Variants in TEKTL1 observed in about 807,000 individuals in gnomAD.
TEKTL1 encodes the protein tektin like 1, also known as tektin-like protein 1.
chr19:15,020,720 C>A, the TEKTL1 span: 1 of 1,418,224 alleles, frequency 7.1e-7, no homozygotes, highest in Non-Finnish European at 9.7e-7. Flanking sequence ...ACTGTCAGTG[C>A]AGCCCGTCGC....
chr19:15,021,332 G>C, the TEKTL1 span: 1 of 1,610,836 alleles, frequency 6.2e-7, no homozygotes, highest in South Asian at 1.1e-5. Flanking sequence ...GCACCCCCAC[G>C]CGCATCCTGG....
At chr19:15,020,737 A>C in the TEKTL1 span, 3 of 1,254,188 alleles carry the variant, frequency 2.4e-6, no homozygotes, top group East Asian at 7.6e-5. Flanking sequence ...TCGCCCACTT[A>C]GCTGTCCCTT....
chr19:15,013,441 C>T, the TEKTL1 span, among the ~76,000 whole-genome samples: 10 of 152,086 alleles, frequency 6.6e-5, no homozygotes, highest in East Asian at 7.7e-4. Flanking sequence ...AAAAGAGAGA[C>T]GCCCCCAACC....
chr19:15,020,473 T>C, the TEKTL1 span: 1 of 1,612,970 alleles, frequency 6.2e-7, no homozygotes, highest in Non-Finnish European at 8.5e-7. Flanking sequence ...CCTGGCCTCC[T>C]GCCGAGACAC....
At chr19:15,021,783 G>A in the TEKTL1 span, 7 of 1,612,642 alleles carry the variant, frequency 4.3e-6, no homozygotes, top group African/African-American at 2.7e-5. Flanking sequence ...GTTTCAATGC[G>A]CTTGCACACC....
At chr19:15,011,765 G>C in the TEKTL1 span, among the ~76,000 whole-genome samples, 1 of 149,620 alleles carries the variant, frequency 6.7e-6, no homozygotes, top group Non-Finnish European at 1.5e-5. Context: ...TTTCCATAGA[G>C]AGAACACCCA....
chr19:15,014,063 A>C, the TEKTL1 span, among the ~76,000 whole-genome samples: 2 of 152,190 alleles, frequency 1.3e-5, no homozygotes, highest in African/African-American at 4.8e-5. Context: ...TCCTCAATAG[A>C]GATGGGAAAA....
chr19:15,016,813 T>C, the TEKTL1 span, among the ~76,000 whole-genome samples: 4 of 152,152 alleles, frequency 2.6e-5, no homozygotes, highest in Non-Finnish European at 5.9e-5. Flanking sequence ...CAACGAGAAA[T>C]GATATGCATA....
the TEKTL1 span, among the ~76,000 whole-genome samples, chr19:15,011,587 A>T: frequency 2.0e-5 from 3 of 152,002 alleles, no homozygotes; most frequent in African/African-American, 7.2e-5. Context: ...ATACAAAATT[A>T]GCCGGGCCTG....
chr19:15,020,658 AG>A, the TEKTL1 span: 8 of 1,612,218 alleles, frequency 5.0e-6, no homozygotes, highest in Non-Finnish European at 6.8e-6. Context: ...CCTATAACCC[AG>A]GTAGGAGTCC....
chr19:15,010,933 C>G, the TEKTL1 span: 10,287 of 1,582,780 alleles, frequency 6.5e-3, 77 homozygotes, highest in Middle Eastern at 0.024. Flanking sequence ...ACATTCTGAC[C>G]GATCGCTGCG....
At chr19:15,020,344 A>C in the TEKTL1 span, 2 of 828,326 alleles carry the variant, frequency 2.4e-6, no homozygotes, top group South Asian at 3.7e-5. Flanking sequence ...GTTTCCGTTT[A>C]GAGGTAGAAA....
the TEKTL1 span, among the ~76,000 whole-genome samples, chr19:15,018,473 C>A: frequency 6.6e-6 from 1 of 151,512 alleles, no homozygotes; most frequent in Non-Finnish European, 1.5e-5. Flanking sequence ...TTTTGAGAGC[C>A]CAAGGTGGGT....
At chr19:15,019,457 C>T in the TEKTL1 span, among the ~76,000 whole-genome samples, 1 of 152,168 alleles carries the variant, frequency 6.6e-6, no homozygotes, top group Non-Finnish European at 1.5e-5. Context: ...CATCCTTCCA[C>T]ATTGCATACA....
chr19:15,018,368 C>T, the TEKTL1 span, among the ~76,000 whole-genome samples: 1 of 151,948 alleles, frequency 6.6e-6, no homozygotes, highest in African/African-American at 2.4e-5. Flanking sequence ...TTATTATGCA[C>T]AGTACCATAA....
At chr19:15,011,235 C>A in the TEKTL1 span, 1 of 1,485,610 alleles carries the variant, frequency 6.7e-7, no homozygotes, top group South Asian at 1.3e-5. Context: ...CGCCTCACCG[C>A]CGCCCGCCTC....
chr19:15,019,094 G>C, the TEKTL1 span, among the ~76,000 whole-genome samples: 7 of 151,936 alleles, frequency 4.6e-5, no homozygotes, highest in African/African-American at 1.7e-4. Flanking sequence ...AATTACAGAC[G>C]TGAATCATCA....
the TEKTL1 span, among the ~76,000 whole-genome samples, chr19:15,012,841 C>T: frequency 6.6e-6 from 1 of 151,986 alleles, no homozygotes; most frequent in Non-Finnish European, 1.5e-5. Flanking sequence ...GATGTGAGAC[C>T]CTCAGTGCCC....
chr19:15,022,646 A>G, the TEKTL1 span, among the ~76,000 whole-genome samples: 2 of 151,460 alleles, frequency 1.3e-5, no homozygotes, highest in Admixed American at 1.3e-4. Flanking sequence ...GTTATTATTA[A>G]GTACCCTTCC....
Sources: gnomAD v4.1 joint callset for allele counts (sites outside exome capture counted in the v4.1 genomes callset) on GRCh38, gnomAD v4.1.1 for gene constraint, MANE v1.5 for transcripts, NCBI Gene and HGNC (gene_info 2026-07-23, HGNC 2026-07-21) for gene names.